The following CYP4X1 variants were observed in gnomAD, a reference collection of about 807,000 sequenced individuals.
CYP4X1 encodes the protein cytochrome P450 family 4 subfamily X member 1, also known as cytochrome P450 4X1.
CYP4X1 carries 44 observed loss-of-function variants against 57.9 expected under a neutral mutation model. That is an observed-to-expected ratio of 0.76 (90% CI 0.60 to 0.98). The LOEUF (loss-of-function observed/expected upper bound fraction) is 0.98, where lower values mean the gene tolerates loss of function less well. Among genes scored for constraint, CYP4X1 ranks in the 50% least tolerant of loss-of-function variants. The pLI is 0.00. For synonymous variants in CYP4X1, 227 were observed against 228.6 expected (o/e 0.99, Z 0.06); for missense variants, 532 against 623.9 (o/e 0.85, Z 1.57).
the CYP4X1 span, among the ~76,000 whole-genome samples, chr1:46,964,218 TCGTC>T: frequency 6.6e-6 from 1 of 152,208 alleles, no homozygotes; most frequent in African/African-American, 2.4e-5. Flanking sequence ...ATAAGTTTGA[TCGTC>T]TGAAGCCTTC....
At chr1:47,000,723 G>A in the CYP4X1 span, among the ~76,000 whole-genome samples, 6 of 152,084 alleles carry the variant, frequency 3.9e-5, no homozygotes, top group Non-Finnish European at 7.4e-5. Flanking sequence ...GAGACAGGTA[G>A]AGAAGCAGGT....
chr1:47,021,836 G>T (rs1644000708), upstream of CYP4X1, among the ~76,000 whole-genome samples: 1 of 152,148 alleles, frequency 6.6e-6, no homozygotes, highest in Non-Finnish European at 1.5e-5. Flanking sequence ...CCCAGGCTCT[G>T]ACCCTGCCAA....
chr1:47,017,255 T>C, the CYP4X1 span, among the ~76,000 whole-genome samples: 1 of 152,162 alleles, frequency 6.6e-6, no homozygotes, highest in Admixed American at 6.5e-5. Flanking sequence ...TAGCTCTATT[T>C]TTAGTTTTTT....
the CYP4X1 span, among the ~76,000 whole-genome samples, chr1:46,970,989 G>T: frequency 7.9e-5 from 12 of 152,130 alleles, no homozygotes; most frequent in Admixed American, 5.9e-4. Flanking sequence ...TAGGTAAATT[G>T]CATGTCACAG....
intron 6 of CYP4X1, 108 bp from the exon 7 acceptor site, chr1:47,038,552 C>T (rs759077230): frequency 1.3e-5 from 9 of 694,204 alleles, no homozygotes; most frequent in African/African-American, 5.5e-5. Flanking sequence ...TCTATTTAAA[C>T]GTCTGGAAAT....
At chr1:47,011,120 A>G in the CYP4X1 span, among the ~76,000 whole-genome samples, 1 of 152,220 alleles carries the variant, frequency 6.6e-6, no homozygotes, top group African/African-American at 2.4e-5. Flanking sequence ...AGCCAAAAGA[A>G]CAAAGCTGGA....
chr1:47,027,957 G>GGATC (rs1463872396), intron 1 of CYP4X1, among the ~76,000 whole-genome samples: 3 of 152,114 alleles, frequency 2.0e-5, no homozygotes, highest in African/African-American at 7.2e-5. Context: ...GTGAGAGGTA[G>GGATC]GATCTTTGTT....
intron 8 of CYP4X1, among the ~76,000 whole-genome samples, chr1:47,044,514 G>C (rs909918634): frequency 2.7e-5 from 4 of 148,230 alleles, no homozygotes; most frequent in African/African-American, 4.9e-5. Context: ...TTATACTAGA[G>C]ATAGAATTAA....
chr1:47,035,994 A>G, intron 5 of CYP4X1, 23 bp from the exon 6 acceptor site: 2 of 1,610,434 alleles, frequency 1.2e-6, no homozygotes, highest in Non-Finnish European at 1.7e-6. Context: ...TTATTAACAC[A>G]TTATCCCAAC....
chr1:46,993,247 A>G, the CYP4X1 span, among the ~76,000 whole-genome samples: 2 of 151,784 alleles, frequency 1.3e-5, no homozygotes, highest in Admixed American at 1.3e-4. Context: ...CCATGTCCCT[A>G]CAAAGGACAT....
At chr1:47,052,826 T>C (rs540500160), downstream of CYP4X1, among the ~76,000 whole-genome samples, 5 of 152,256 alleles carry the variant, frequency 3.3e-5, no homozygotes, top group African/African-American at 1.2e-4. Context: ...AAAAAATGCC[T>C]GTTGGCCATT....
At chr1:46,988,281 T>C in the CYP4X1 span, among the ~76,000 whole-genome samples, 37 of 151,588 alleles carry the variant, frequency 2.4e-4, no homozygotes, top group Non-Finnish European at 1.5e-5. Flanking sequence ...AACTAGAAAA[T>C]ATAGAAAAAA....
rs1416350073 is a variant in CYP4X1 at position 47,023,676 on chromosome 1, T to G, written c.-142T>G. The G allele has an allele frequency of 2.8e-6, 4 of 1,426,318 alleles. No homozygotes were observed. In the Admixed American group the frequency reaches 8.6e-5, roughly 31 times the overall value. 88.4% of individuals were successfully genotyped at this position (1,426,318 alleles called of 1,614,324 possible). A position where few individuals can be genotyped will look rare whatever the true frequency, so the allele number is the denominator to read the frequency against. On this transcript the variant is annotated 5_prime_UTR_variant, in exon 1 of 12. Transcript: ENST00000371901. ...GCCTGAGCTGCCCCTCCCACTGCCT[T>G]TCCTTCTTCCCGCGAGTCAGAAGCT...
chr1:46,988,550 G>A, the CYP4X1 span, among the ~76,000 whole-genome samples: 2 of 152,008 alleles, frequency 1.3e-5, no homozygotes, highest in African/African-American at 4.8e-5. Context: ...CAGTATCATC[G>A]TAATACCAAA....
downstream of CYP4X1, among the ~76,000 whole-genome samples, chr1:47,054,013 C>T (rs111263570): frequency 1 from 151,716 of 151,716 alleles, 75,858 homozygotes; most frequent in Non-Finnish European, 1. Flanking sequence ...TCCTGAATGG[C>T]ATTGCCTAGG....
At chr1:47,032,205 T>A (rs1171260204) in intron 3 of CYP4X1, among the ~76,000 whole-genome samples, 1 of 152,226 alleles carries the variant, frequency 6.6e-6, no homozygotes, top group Non-Finnish European at 1.5e-5. Context: ...AGTTTGGCAA[T>A]ATTCTGTCAG....
chr1:47,054,857 A>AT, downstream of CYP4X1, among the ~76,000 whole-genome samples: 1 of 152,324 alleles, frequency 6.6e-6, no homozygotes, highest in South Asian at 2.1e-4. Flanking sequence ...CAGTCATGTC[A>AT]TCTGCAAACA....
chr1:46,994,787 A>G, the CYP4X1 span, among the ~76,000 whole-genome samples: 1 of 152,168 alleles, frequency 6.6e-6, no homozygotes, highest in East Asian at 1.9e-4. Context: ...AACACCTACT[A>G]TGTGCCAGGC....
the CYP4X1 span, among the ~76,000 whole-genome samples, chr1:47,012,082 T>C: frequency 6.6e-6 from 1 of 152,202 alleles, no homozygotes; most frequent in African/African-American, 2.4e-5. Context: ...GGATTATAAA[T>C]CACGCTGCTA....
Sources: gnomAD v4.1 joint callset for allele counts (sites outside exome capture counted in the v4.1 genomes callset) on GRCh38, gnomAD v4.1.1 for gene constraint, MANE v1.5 for transcripts, NCBI Gene and HGNC (gene_info 2026-07-23, HGNC 2026-07-21) for gene names.